CD38: variants seen among roughly 807,000 people sequenced by gnomAD.
CD38 encodes the protein ADP-ribosyl cyclase/cyclic ADP-ribose hydrolase 1.
In CD38, 31 loss-of-function variants were observed where a neutral mutation model predicts 36.3. The ratio of observed to expected loss-of-function variants is 0.85; its 90% CI spans 0.64 to 1.15. The LOEUF (loss-of-function observed/expected upper bound fraction) is 1.15. CD38 is among the 50% of genes most tolerant of loss of function. The pLI is 0.00. For missense variants in CD38, 380 were observed against 371.9 expected (o/e 1.02, Z -0.18); for synonymous variants, 131 against 135.2 (o/e 0.97, Z 0.22).
chr4:15,848,993 C>T lies in CD38; in HGVS notation c.*391C>T, dbSNP rs1369465498. On this transcript the variant is annotated 3_prime_UTR_variant, in exon 8 of 8. Transcript: ENST00000226279. The stretch of plus-strand genomic sequence containing the variant: ...GTGAATGCTCAAGTTTTTCAGAAAG[C>T]ATTACATTTCCAAATGAATGACCTT... 1 of 159,390 alleles carries T rather than the reference C, an allele frequency of 6.3e-6. No homozygotes were observed. The highest frequency in any genetic ancestry group is 2.4e-5 in the African/African-American group (1 of 41,630). 9.9% of individuals were successfully genotyped at this position (159,390 alleles called of 1,614,324 possible). A position where few individuals can be genotyped will look rare whatever the true frequency, so the allele number is the denominator to read the frequency against.
At chr4:15,801,974 G>T (rs1229798660) in intron 1 of CD38, among the ~76,000 whole-genome samples, 1 of 152,068 alleles carries the variant, frequency 6.6e-6, no homozygotes, top group African/African-American at 2.4e-5. Flanking sequence ...AGAAATAAAA[G>T]ACATCCAAAT....
At chr4:15,835,133 A>G (rs1194639203) in intron 4 of CD38, among the ~76,000 whole-genome samples, 1 of 152,004 alleles carries the variant, frequency 6.6e-6, no homozygotes, top group Non-Finnish European at 1.5e-5. Flanking sequence ...TATTCCTCCT[A>G]TCTAACTATA....
rs3733593 is a variant in CD38 at position 15,853,102 on chromosome 4, G to A, written c.*4500G>A. ...AATCAGAATGCAAGTAGCGCAAGGCGGTGGAAACTATGGAATTCGGAGGCA... is the reference window on the plus strand; with the variant it reads ...AATCAGAATGCAAGTAGCGCAAGGCAGTGGAAACTATGGAATTCGGAGGCA... On this transcript the variant is annotated 3_prime_UTR_variant, in exon 8 of 8. Transcript: ENST00000226279. 0.43 allele frequency: 65,146 copies of A among 152,068 alleles called. 14,164 individuals carry two copies. The highest frequency in any genetic ancestry group is 0.46 in the African/African-American group (19,070 of 41,462). 9.4% of individuals were successfully genotyped at this position (152,068 alleles called of 1,614,324 possible).
intron 1 of CD38, among the ~76,000 whole-genome samples, chr4:15,805,221 AAAAC>A (rs1300813228): frequency 6.6e-6 from 1 of 152,240 alleles, no homozygotes; most frequent in Non-Finnish European, 1.5e-5. Flanking sequence ...AAACTTTTAA[AAAAC>A]AAAGTTTTAA....
rs755251220 is a variant in CD38, at chr4:15,834,210, C to T, written c.500-7C>T. Reference sequence around the variant, plus strand: ...CCACTTTATTTTCTACAAACTATGTCTTTTAGAAATAAACTATCAATCTTG... The same window carrying T: ...CCACTTTATTTTCTACAAACTATGTTTTTTAGAAATAAACTATCAATCTTG... On this transcript the variant is annotated splice_polypyrimidine_tract_variant and splice_region_variant and intron_variant, in intron 3 of 7. Coordinates refer to ENST00000226279, the MANE Select transcript of CD38 (RefSeq NM_001775.4). 3 of 1,564,982 alleles carry T rather than the reference C, an allele frequency of 1.9e-6. No individual in the cohort carries two copies. The highest frequency in any genetic ancestry group is 1.4e-5 in the African/African-American group (1 of 73,870).
intron 1 of CD38, among the ~76,000 whole-genome samples, chr4:15,783,297 T>C (rs1363989652): frequency 6.6e-6 from 1 of 152,178 alleles, no homozygotes; most frequent in Non-Finnish European, 1.5e-5. Flanking sequence ...AGCCAGCACC[T>C]AGGGGAAGCT....
intron 1 of CD38, among the ~76,000 whole-genome samples, chr4:15,814,768 T>C (rs1336778454): frequency 1.3e-5 from 2 of 151,652 alleles, no homozygotes; most frequent in Non-Finnish European, 2.9e-5. Flanking sequence ...TGGTATTATT[T>C]CTGAGGTCTC....
Position 15,779,594 on chromosome 4 carries a change from C to G in CD38, c.233+947C>G, listed in dbSNP as rs536054967. Among the ~76,000 whole-genome samples, 3 of 152,278 alleles carry G rather than the reference C, an allele frequency of 2.0e-5. No homozygotes were observed. In the South Asian group the frequency reaches 6.2e-4, roughly 32 times the overall value. On this transcript the variant is annotated intron_variant, in intron 1 of 7. Coordinates refer to ENST00000226279, the MANE Select transcript of CD38 (RefSeq NM_001775.4). ...TCCGAGGAAACGAGCAAATAGACCT[C>G]CCTCGCCTCTCCGAGCACACTCAAC...
rs182226959 is a variant in CD38 at position 15,804,785 on chromosome 4, T to C, written c.234-11726T>C. Among the ~76,000 whole-genome samples, 707 of 152,248 alleles carry C rather than the reference T, an allele frequency of 4.6e-3. 3 individuals carry two copies. The highest frequency in any genetic ancestry group is 7.7e-3 in the Non-Finnish European group (523 of 67,980). ...GCTGAGAAGGGTAGGGAGACAGAGATTGATCAATGAATACAAAATTATATA... is the reference window on the plus strand; with the variant it reads ...GCTGAGAAGGGTAGGGAGACAGAGACTGATCAATGAATACAAAATTATATA... On this transcript the variant is annotated intron_variant, in intron 1 of 7. Transcript: ENST00000226279.
At position 15,807,423 on chromosome 4, in the gene CD38, G is replaced by T. The variant is rs564449935; in HGVS notation, c.234-9088G>T. ...TATTTTTGCTTGTGTTCACATCATG[G>T]TCTATCATGGTGATAGGCCACGTAC... On this transcript the variant is annotated intron_variant, in intron 1 of 7. Transcript: ENST00000226279. 2.0e-5 allele frequency among the ~76,000 whole-genome samples: 3 copies of T among 152,148 alleles called. No homozygotes were observed. In the South Asian group the frequency reaches 6.2e-4, roughly 32 times the overall value.
chr4:15,783,565 G>C (rs1722743622), intron 1 of CD38, among the ~76,000 whole-genome samples: 1 of 152,176 alleles, frequency 6.6e-6, no homozygotes, highest in Non-Finnish European at 1.5e-5. Context: ...CTAACACATT[G>C]CTTATCACCT....
At chr4:15,840,271 CAAAGGATATTT>C (rs931818616) in intron 6 of CD38, among the ~76,000 whole-genome samples, 153 bp downstream of exon 6, 1 of 152,166 alleles carries the variant, frequency 6.6e-6, no homozygotes, top group African/African-American at 2.4e-5. Context: ...TTTATCTCCA[CAAAGGATATTT>C]AACTGCTTGA....
chr4:15,782,059 T>A (rs1215976801), intron 1 of CD38, among the ~76,000 whole-genome samples: 2 of 152,174 alleles, frequency 1.3e-5, no homozygotes, highest in East Asian at 3.8e-4. Flanking sequence ...GCTGGGCTGG[T>A]CAGGCCTCCC....
chr4:15,836,886 T>C (rs1038821504), intron 4 of CD38, among the ~76,000 whole-genome samples: 3 of 152,214 alleles, frequency 2.0e-5, no homozygotes, highest in Non-Finnish European at 4.4e-5. Flanking sequence ...TTCTGATTCC[T>C]CATTTGTCAA....
intron 3 of CD38, among the ~76,000 whole-genome samples, chr4:15,833,627 C>T (rs1408891292): frequency 6.6e-6 from 1 of 152,188 alleles, no homozygotes; most frequent in Non-Finnish European, 1.5e-5. Context: ...TCTATTTTAT[C>T]TTTCTACCTC....
rs375091658 is a variant in CD38 at position 15,778,371 on chromosome 4, C to A, written c.-44C>A. The A allele has an allele frequency of 3.0e-6, 4 of 1,344,264 alleles. No homozygotes were observed. The highest frequency in any genetic ancestry group is 1.4e-5 in the African/African-American group (1 of 69,776). The allele number at this position is 1,344,264 out of a possible 1,614,324, so 83.3% of individuals were successfully genotyped here. A position where few individuals can be genotyped will look rare whatever the true frequency, so the allele number is the denominator to read the frequency against. ...CAGCCTCTCTCTTGCTGCCTAGCCT[C>A]CTGCCGGCCTCATCTTCGCCCAGCC... is the stretch of plus-strand genomic sequence containing the variant. On this transcript the variant is annotated 5_prime_UTR_variant, in exon 1 of 8. Coordinates refer to ENST00000226279, the MANE Select transcript of CD38 (RefSeq NM_001775.4). This position sits in a 1 kb window ranked among gnomAD's most constrained non-coding sequence, Gnocchi z 4.9.
intron 3 of CD38, among the ~76,000 whole-genome samples, chr4:15,828,125 C>T (rs983296912): frequency 5.9e-5 from 9 of 152,140 alleles, no homozygotes; most frequent in African/African-American, 2.2e-4. Flanking sequence ...GGTGGTCCTC[C>T]TACCTTAGCC....
At chr4:15,788,997 A>AAT (rs1175622930) in intron 1 of CD38, among the ~76,000 whole-genome samples, 9 of 152,232 alleles carry the variant, frequency 5.9e-5, no homozygotes, top group Non-Finnish European at 1.3e-4. Context: ...GGTTCGAATA[A>AAT]AACTTCATAG....
At chr4:15,834,160 A>G (rs1724014332) in intron 3 of CD38, 57 bp from the exon 4 acceptor site, 1 of 1,130,466 alleles carries the variant, frequency 8.8e-7, no homozygotes, top group Admixed American at 1.7e-5. Context: ...AGGGAAGAGT[A>G]CAGCTTATTT....
Sources: gnomAD v4.1 joint callset for allele counts (sites outside exome capture counted in the v4.1 genomes callset) on GRCh38, gnomAD v4.1.1 for gene constraint, Gnocchi (gnomAD v3.1) non-coding constraint, MANE v1.5 for transcripts, NCBI Gene and HGNC (gene_info 2026-07-23, HGNC 2026-07-21) for gene names.